ADCYAP1R1: variants seen among roughly 807,000 people sequenced by gnomAD.
ADCYAP1R1 encodes the protein pituitary adenylate cyclase-activating polypeptide type I receptor.
Under a neutral mutation model 67.6 loss-of-function variants are expected in ADCYAP1R1, and 44 were observed. The observed-to-expected ratio is 0.65, with a 90% CI of 0.51 to 0.84. The LOEUF is 0.84. Ranked by LOEUF, ADCYAP1R1 falls within the 40% of genes least tolerant of loss-of-function variation. ADCYAP1R1 has a pLI of 0.00. For missense variants in ADCYAP1R1, 477 were observed against 587.9 expected, an observed-to-expected ratio of 0.81 and a Z score of 1.95; for synonymous variants, 222 against 219.6, an observed-to-expected ratio of 1.01 and a Z score of -0.10.
At chr7:31,094,351 G>A (rs765327411) in intron 13 of ADCYAP1R1, among the ~76,000 whole-genome samples, 2 of 151,972 alleles carry the variant, frequency 1.3e-5, no homozygotes, top group African/African-American at 4.8e-5. Context: ...ATAGGGCCCC[G>A]CTGCTCGCCT....
rs747439377 is a variant in ADCYAP1R1, at chr7:31,087,689, C to G, written c.947C>G (p.Ser316Cys). The G allele has an allele frequency of 1.9e-6, 3 of 1,613,616 alleles. No individual in the cohort carries two copies. The highest frequency in any genetic ancestry group is 1.1e-5 in the South Asian group (1 of 90,980). Residue 316 changes from serine to cysteine, a missense_variant, in exon 12 of 16, where the codon TCT (serine) becomes TGT (cysteine). Coordinates refer to ENST00000304166, the MANE Select transcript of ADCYAP1R1 (RefSeq NM_001118.5). The stretch of plus-strand genomic sequence containing the variant: ...GTGATCAAAGGCCCTGTGGTTGGCT[C>G]TATCATGGTGAGTGTCCTTGGGATG... ...WWVIKGPVVG[S>C]IMVNFVLFIG... is the part of the protein sequence containing the mutation.
intron 3 of ADCYAP1R1, among the ~76,000 whole-genome samples, chr7:31,077,282 T>A (rs1795276705): frequency 6.6e-6 from 1 of 151,670 alleles, no homozygotes; most frequent in African/African-American, 2.4e-5. Context: ...GTGTGGTGCA[T>A]GTGTGCACAT....
Position 31,084,915 on chromosome 7 carries a change from C to G in ADCYAP1R1, c.536+81C>G, listed in dbSNP as rs112178640. The stretch of plus-strand genomic sequence containing the variant: ...CCTTGGTGCATCTCTCCCCTCCCCC[C>G]TTGATGTCAGCCCTAGAAGACCCCT... On this transcript the variant is annotated intron_variant, in intron 8 of 15. Coordinates refer to ENST00000304166, the MANE Select transcript of ADCYAP1R1 (RefSeq NM_001118.5). 363 of 1,299,144 alleles carry G rather than the reference C, an allele frequency of 2.8e-4. 3 individuals are homozygous for G. The African/African-American group carries it at 3.9e-3, about 14-fold the overall frequency. The allele number at this position is 1,299,144 out of a possible 1,614,324, so 80.5% of individuals were successfully genotyped here.
chr7:31,084,070 A>G, intron 6 of ADCYAP1R1, 71 bp from the exon 7 acceptor site: 1 of 1,381,622 alleles, frequency 7.2e-7, no homozygotes, highest in Non-Finnish European at 1.0e-6. Context: ...CTGAATACGT[A>G]ATTTTTGCAT....
At chr7:31,052,767 C>T (rs1794069306) in intron 1 of ADCYAP1R1, 89 bp downstream of exon 1, 2 of 152,340 alleles carry the variant, frequency 1.3e-5, no homozygotes, top group Admixed American at 6.5e-5. Flanking sequence ...CCTCGGATCC[C>T]CTCCTCTGGC....
At chr7:31,100,070 T>C in intron 13 of ADCYAP1R1, 1 of 1,505,498 alleles carries the variant, frequency 6.6e-7, no homozygotes, top group Non-Finnish European at 9.0e-7. Context: ...GTAAACTGAG[T>C]TTCTTCACTG....
Position 31,110,481 on chromosome 7 carries a change from G to GCATGGTGCCTGCCAC in ADCYAP1R1, c.*3805_*3819dup, listed in dbSNP as rs1011833245. On this transcript the variant is annotated 3_prime_UTR_variant, in exon 16 of 16. Transcript: ENST00000304166. ...TGATGAGAAAATACACGCAGGCCTA[G>GCATGGTGCCTGCCAC]CATGGTGCCTGCCACCATGGTGGGA... 13 of 152,180 alleles carry GCATGGTGCCTGCCAC rather than the reference G, an allele frequency of 8.5e-5. 1 individual carries two copies. Among genetic ancestry groups the GCATGGTGCCTGCCAC allele is most frequent in the Middle Eastern group, 3.2e-3 (1 of 316 alleles). 9.4% of individuals were successfully genotyped at this position (152,180 alleles called of 1,614,324 possible).
intron 3 of ADCYAP1R1, 147 bp downstream of exon 3, chr7:31,065,083 G>T: frequency 3.2e-6 from 2 of 629,664 alleles, no homozygotes; most frequent in Non-Finnish European, 2.8e-6. Flanking sequence ...TCCTGGATCT[G>T]CTCTGGGCAA....
At chr7:31,065,595 G>A (rs182916281) in intron 3 of ADCYAP1R1, among the ~76,000 whole-genome samples, 2 of 152,142 alleles carry the variant, frequency 1.3e-5, no homozygotes, top group Admixed American at 6.5e-5. Context: ...GGAGTGGCAC[G>A]ATCCCTGGTA....
chr7:31,098,655 G>C (rs926736382), intron 13 of ADCYAP1R1, among the ~76,000 whole-genome samples: 6 of 142,422 alleles, frequency 4.2e-5, no homozygotes, highest in African/African-American at 1.5e-4. Flanking sequence ...GAATGGTGCT[G>C]TTTGTTGAAT....
chr7:31,104,696 G>A (rs1796569530), intron 14 of ADCYAP1R1, among the ~76,000 whole-genome samples, 172 bp from the exon 15 acceptor site: 1 of 152,214 alleles, frequency 6.6e-6, no homozygotes, highest in South Asian at 2.1e-4. Flanking sequence ...CCTCATGGGT[G>A]TGCCCATCTT....
At position 31,107,142 on chromosome 7, in the gene ADCYAP1R1, C is replaced by T. The variant is rs1009355124; in HGVS notation, c.*458C>T. ...CCATCATCTGATTTTGGGTGTGACC[C>T]CTCGAGTGTGCATGCCACCCTGGGG... is the stretch of plus-strand genomic sequence containing the variant. On this transcript the variant is annotated 3_prime_UTR_variant, in exon 16 of 16. Coordinates refer to ENST00000304166, the MANE Select transcript of ADCYAP1R1 (RefSeq NM_001118.5). 6.4e-6 allele frequency: 1 copy of T among 157,276 alleles called. No individual in the cohort carries two copies. The highest frequency in any genetic ancestry group is 1.4e-5 in the Non-Finnish European group (1 of 71,778). 9.7% of individuals were successfully genotyped at this position (157,276 alleles called of 1,614,324 possible).
At position 31,100,062 on chromosome 7, in the gene ADCYAP1R1, A is replaced by G. The variant is rs1796375046; in HGVS notation, c.1047-3175A>G. On this transcript the variant is annotated intron_variant, in intron 13 of 15. Transcript: ENST00000304166. Reference sequence around the variant, plus strand: ...CCCTCCTCTTTTCTGCTTTCCCTGTAAACTGAGTTTCTTCACTGCCTGGTG... The same window carrying G: ...CCCTCCTCTTTTCTGCTTTCCCTGTGAACTGAGTTTCTTCACTGCCTGGTG... The G allele has an allele frequency of 2.7e-6, 4 of 1,472,324 alleles. No individual in the cohort carries two copies. In the East Asian group the frequency reaches 9.9e-5, roughly 36 times the overall value. The allele number at this position is 1,472,324 out of a possible 1,614,324, so 91.2% of individuals were successfully genotyped here.
At chr7:31,095,762 C>T (rs1796168303) in intron 13 of ADCYAP1R1, 1 of 717,780 alleles carries the variant, frequency 1.4e-6, no homozygotes, top group East Asian at 2.7e-5. Context: ...TAGGTTGGTT[C>T]CAGCTGCTCA....
rs556165038 is a variant in ADCYAP1R1, at chr7:31,069,520, A to G, written c.157+4584A>G. On this transcript the variant is annotated intron_variant, in intron 3 of 15. Transcript: ENST00000304166. The stretch of plus-strand genomic sequence containing the variant: ...CTTGTATATATTTTGTGTGTCTCTC[A>G]TAATTTTTTAAATCTAGTAATATGA... Among the ~76,000 whole-genome samples, 35 of 152,332 alleles carry G rather than the reference A, an allele frequency of 2.3e-4. 1 individual carries two copies. Among genetic ancestry groups the G allele is most frequent in the Admixed American group, 1.7e-3 (26 of 15,302 alleles).
chr7:31,075,648 A>T (rs1444930718), intron 3 of ADCYAP1R1, among the ~76,000 whole-genome samples: 2 of 152,190 alleles, frequency 1.3e-5, no homozygotes, highest in Non-Finnish European at 2.9e-5. Context: ...GCTGGAAGGA[A>T]AAGTGAGTGG....
At chr7:31,082,367 G>A (rs1173325023) in intron 6 of ADCYAP1R1, among the ~76,000 whole-genome samples, 2 of 152,106 alleles carry the variant, frequency 1.3e-5, no homozygotes, top group East Asian at 3.8e-4. Context: ...CAATACAGTG[G>A]CAAATTCACA....
chr7:31,083,594 C>T (rs1006990850), intron 6 of ADCYAP1R1, among the ~76,000 whole-genome samples: 4 of 152,188 alleles, frequency 2.6e-5, no homozygotes, highest in African/African-American at 9.7e-5. Flanking sequence ...ATGAAGCAAG[C>T]CCTGTGTCCC....
intron 3 of ADCYAP1R1, among the ~76,000 whole-genome samples, chr7:31,066,867 G>A (rs1477528475): frequency 6.6e-6 from 1 of 152,268 alleles, no homozygotes; most frequent in Non-Finnish European, 1.5e-5. Context: ...CAAGAGGCAG[G>A]AGCCTGGTGT....
Sources: gnomAD v4.1 joint callset for allele counts (sites outside exome capture counted in the v4.1 genomes callset) on GRCh38, gnomAD v4.1.1 for gene constraint, MANE v1.5 for transcripts, NCBI Gene and HGNC (gene_info 2026-07-23, HGNC 2026-07-21) for gene names.